Variants in LRRTM4 observed in about 807,000 individuals in gnomAD.
LRRTM4 encodes the protein leucine-rich repeat transmembrane neuronal protein 4.
LRRTM4 carries 25 observed loss-of-function variants against 47.6 expected under a neutral mutation model. That is an observed-to-expected ratio of 0.53 (90% CI 0.38 to 0.73). The LOEUF (loss-of-function observed/expected upper bound fraction) is 0.73. LRRTM4 is among the 30% of genes least tolerant of loss of function. The pLI is 0.00. For synonymous variants in LRRTM4, 311 were observed against 269.5 expected, an observed-to-expected ratio of 1.15 and a Z score of -1.51; for missense variants, 638 against 713.4, an observed-to-expected ratio of 0.89 and a Z score of 1.20.
intron 3 of LRRTM4, among the ~76,000 whole-genome samples, chr2:77,235,124 A>G (rs534414653): frequency 2.0e-5 from 3 of 152,266 alleles, no homozygotes; most frequent in African/African-American, 4.8e-5. Flanking sequence ...TCTGTATCCA[A>G]TCCAACATTG....
intron 3 of LRRTM4, among the ~76,000 whole-genome samples, chr2:77,103,159 AGAGACAGCAGCAG>A (rs1422812975): frequency 6.6e-6 from 1 of 152,206 alleles, no homozygotes; most frequent in Non-Finnish European, 1.5e-5. Context: ...ATTTGGGGGC[AGAGACAGCAGCAG>A]ACTGTGGTTC....
chr2:77,377,895 C>A (rs112249489), intron 3 of LRRTM4, among the ~76,000 whole-genome samples: 4 of 151,936 alleles, frequency 2.6e-5, no homozygotes, highest in African/African-American at 7.2e-5. Context: ...TCTTTTCACA[C>A]TGAATTTCTT....
intron 3 of LRRTM4, among the ~76,000 whole-genome samples, chr2:77,123,348 A>C (rs1572984209): frequency 6.6e-6 from 1 of 152,184 alleles, no homozygotes; most frequent in East Asian, 1.9e-4. Context: ...TAATTAAATA[A>C]TATTTCTTCC....
At chr2:77,087,780 T>C (rs1680772971) in intron 3 of LRRTM4, among the ~76,000 whole-genome samples, 1 of 152,214 alleles carries the variant, frequency 6.6e-6, no homozygotes, top group Non-Finnish European at 1.5e-5. Flanking sequence ...AGAATATATG[T>C]AAAATAAAAT....
chr2:76,937,835 G>A (rs1675009662), intron 3 of LRRTM4, among the ~76,000 whole-genome samples: 2 of 151,842 alleles, frequency 1.3e-5, no homozygotes, highest in South Asian at 4.2e-4. Context: ...CAAAGTGCTG[G>A]GATTACAGGC....
intron 3 of LRRTM4, among the ~76,000 whole-genome samples, chr2:76,975,286 T>C (rs910875924): frequency 6.6e-6 from 1 of 151,820 alleles, no homozygotes; most frequent in African/African-American, 2.4e-5. Context: ...TACTTCCTAA[T>C]AGCTGTAATA....
intron 3 of LRRTM4, among the ~76,000 whole-genome samples, chr2:76,932,756 T>C (rs1674815115): frequency 6.6e-6 from 1 of 151,994 alleles, no homozygotes; most frequent in Non-Finnish European, 1.5e-5. Context: ...TATATACATA[T>C]ACACACGTGT....
intron 3 of LRRTM4, among the ~76,000 whole-genome samples, chr2:76,974,163 T>TACACATAC (rs1330667211): frequency 0.014 from 1,897 of 139,028 alleles, 75 homozygotes; most frequent in African/African-American, 0.052. Context: ...TACATATATA[T>TACACATAC]ATATACATAC....
chr2:77,515,720 T>C (rs1679181119), intron 3 of LRRTM4, among the ~76,000 whole-genome samples: 1 of 151,892 alleles, frequency 6.6e-6, no homozygotes, highest in African/African-American at 2.4e-5. Flanking sequence ...AGCATACTTA[T>C]ACTATTCCAA....
chr2:76,944,815 T>G (rs1040322574), intron 3 of LRRTM4, among the ~76,000 whole-genome samples: 4 of 151,918 alleles, frequency 2.6e-5, no homozygotes, highest in African/African-American at 7.2e-5. Context: ...AAATGGCGAG[T>G]AAAAAGAGTC....
intron 3 of LRRTM4, among the ~76,000 whole-genome samples, chr2:77,495,735 C>T (rs1463150405): frequency 6.6e-6 from 1 of 152,002 alleles, no homozygotes; most frequent in African/African-American, 2.4e-5. Flanking sequence ...CATTGATCTG[C>T]TTGTCTGTCT....
chr2:77,338,242 G>A (rs1401734781), intron 3 of LRRTM4, among the ~76,000 whole-genome samples: 2 of 151,926 alleles, frequency 1.3e-5, no homozygotes, highest in East Asian at 1.9e-4. Flanking sequence ...TGGACAAATG[G>A]CACCGTATTC....
chr2:76,768,203 C>G (rs1257763661), intron 3 of LRRTM4, among the ~76,000 whole-genome samples: 1 of 152,106 alleles, frequency 6.6e-6, no homozygotes, highest in Non-Finnish European at 1.5e-5. Context: ...AAAGTAATAG[C>G]TTCTCTTCTC....
intron 3 of LRRTM4, among the ~76,000 whole-genome samples, chr2:76,968,365 T>TAC (rs1558767820): frequency 5.2e-4 from 66 of 126,808 alleles, no homozygotes; most frequent in African/African-American, 1.4e-3. Context: ...TATATATATA[T>TAC]ATATATATAT....
At chr2:76,785,281 G>A (rs1333653851) in intron 3 of LRRTM4, among the ~76,000 whole-genome samples, 1 of 152,076 alleles carries the variant, frequency 6.6e-6, no homozygotes, top group Non-Finnish European at 1.5e-5. Context: ...TGGGACTACA[G>A]TTCTGCTCCT....
rs549832450 is a variant in LRRTM4, at chr2:76,998,987, C to A, written c.1552-250071G>T. 8.5e-5 allele frequency among the ~76,000 whole-genome samples: 12 copies of A among 141,578 alleles called. No individual in the cohort carries two copies. In the South Asian group the frequency reaches 2.8e-3, roughly 33 times the overall value. The allele number at this position is 141,578 out of a possible 152,430, so 92.9% of individuals were successfully genotyped here. On this transcript the variant is annotated intron_variant, in intron 3 of 3. Coordinates refer to ENST00000409884, the MANE Select transcript of LRRTM4 (RefSeq NM_001134745.3). ...CCCTAACATGTGTTTCTTTCTATTT[C>A]CTATCAGTCTAACTTAGAGAGCTGA... is the stretch of plus-strand genomic sequence containing the variant.
At chr2:76,795,859 G>A (rs967115384) in intron 3 of LRRTM4, among the ~76,000 whole-genome samples, 1 of 152,028 alleles carries the variant, frequency 6.6e-6, no homozygotes, top group African/African-American at 2.4e-5. Flanking sequence ...CTCCCAGCGT[G>A]AGCGACGCAG....
chr2:76,915,714 T>C (rs555636217), intron 3 of LRRTM4, among the ~76,000 whole-genome samples: 3 of 152,240 alleles, frequency 2.0e-5, no homozygotes, highest in Non-Finnish European at 4.4e-5. Flanking sequence ...AGTATTCTCT[T>C]TGAGCAAATA....
Position 76,768,368 on chromosome 2 carries a change from T to A in LRRTM4, c.1552-19452A>T, listed in dbSNP as rs957507126. Among the ~76,000 whole-genome samples, 5 of 138,462 alleles carry A rather than the reference T, an allele frequency of 3.6e-5. No individual in the cohort carries two copies. The East Asian group carries it at 9.6e-4, about 27-fold the overall frequency. 90.8% of individuals were successfully genotyped at this position (138,462 alleles called of 152,430 possible). A position where few individuals can be genotyped will look rare whatever the true frequency, so the allele number is the denominator to read the frequency against. On this transcript the variant is annotated intron_variant, in intron 3 of 3. Transcript: ENST00000409884. ...GCCAACACTGTGATAAATTGATGCA[T>A]TGGTGGATGAGTGAAATTAGATTTT...
Sources: allele counts gnomAD v4.1 joint callset (sites outside exome capture counted in the v4.1 genomes callset), GRCh38; gene constraint gnomAD v4.1.1; transcripts MANE v1.5; gene names NCBI Gene and HGNC (gene_info 2026-07-23, HGNC 2026-07-21).